Variants in PDZD2 observed in about 807,000 individuals in gnomAD.
PDZD2 encodes PDZ domain-containing protein 2.
Under a neutral mutation model 220.7 loss-of-function variants are expected in PDZD2, and 90 were observed. That is an observed-to-expected ratio of 0.41 (90% confidence interval 0.34 to 0.49). The LOEUF (loss-of-function observed/expected upper bound fraction) is 0.49, where lower values mean the gene tolerates loss of function less well. Ranked by LOEUF, PDZD2 falls within the 20% of genes least tolerant of loss-of-function variation. The pLI, the probability that PDZD2 is intolerant of heterozygous loss-of-function variation, is 0.28. For missense variants in PDZD2, 3,174 were observed against 3,608.5 expected (o/e 0.88, Z 3.08); for synonymous variants, 1,375 against 1,450.5 (o/e 0.95, Z 1.18).
chr5:31,779,338 A>G (rs1580739657), intron 1 of PDZD2, among the ~76,000 whole-genome samples: 1 of 124,852 alleles, frequency 8.0e-6, no homozygotes, highest in Non-Finnish European at 1.7e-5. Flanking sequence ...CTTTAACGTT[A>G]TTTATGTAGC....
chr5:31,771,514 G>A (rs1262266912), intron 1 of PDZD2, among the ~76,000 whole-genome samples: 3 of 149,006 alleles, frequency 2.0e-5, no homozygotes, highest in African/African-American at 2.5e-5. Context: ...GGAGACAGAG[G>A]GTATGGAGTT....
chr5:32,005,245 A>G (rs1752707619), intron 5 of PDZD2, among the ~76,000 whole-genome samples: 2 of 152,226 alleles, frequency 1.3e-5, no homozygotes, highest in Non-Finnish European at 2.9e-5. Context: ...TATGGATAAT[A>G]GTCACCTTGT....
chr5:31,666,225 C>G (rs1007912150), intron 1 of PDZD2, among the ~76,000 whole-genome samples: 1 of 152,134 alleles, frequency 6.6e-6, no homozygotes. Context: ...GGTTATCCAG[C>G]CAGCCTCAGT....
chr5:32,092,304 GGCTCAGGCCTATAGTCCCA>G (rs1293349918), intron 20 of PDZD2, among the ~76,000 whole-genome samples: 1 of 146,046 alleles, frequency 6.8e-6, no homozygotes, highest in African/African-American at 2.5e-5. Flanking sequence ...CAGGCCCAGT[GGCTCAGGCCTATAGTCCCA>G]GCACTTTGGG....
intron 2 of PDZD2, among the ~76,000 whole-genome samples, chr5:31,803,509 G>A (rs779212372): frequency 1.3e-5 from 2 of 151,878 alleles, no homozygotes; most frequent in African/African-American, 2.4e-5. Flanking sequence ...AGTAGGCTCC[G>A]GACTATATGG....
At chr5:32,034,763 AAGGGG>A (rs1171903982) in intron 6 of PDZD2, among the ~76,000 whole-genome samples, 1 of 152,134 alleles carries the variant, frequency 6.6e-6, no homozygotes, top group Non-Finnish European at 1.5e-5. Context: ...AAGTCAAGCA[AAGGGG>A]AGGCTCTAAG....
intron 2 of PDZD2, among the ~76,000 whole-genome samples, chr5:31,865,274 C>A (rs957226964): frequency 2.6e-5 from 4 of 152,036 alleles, no homozygotes; most frequent in Admixed American, 6.6e-5. Flanking sequence ...GAGGTTACAA[C>A]AATTGGCAAC....
At chr5:32,035,810 C>G (rs1301887467) in intron 6 of PDZD2, among the ~76,000 whole-genome samples, 1 of 152,120 alleles carries the variant, frequency 6.6e-6, no homozygotes, top group Non-Finnish European at 1.5e-5. Context: ...TTCTCCCAAC[C>G]CCAATTGGGA....
chr5:32,057,248 T>C (rs1450441114), intron 10 of PDZD2, among the ~76,000 whole-genome samples: 1 of 152,212 alleles, frequency 6.6e-6, no homozygotes, highest in Non-Finnish European at 1.5e-5. Context: ...TCTACAAATA[T>C]AGGAGTGACT....
intron 1 of PDZD2, among the ~76,000 whole-genome samples, chr5:31,691,986 G>T (rs546120197): frequency 1.3e-5 from 2 of 152,374 alleles, no homozygotes; most frequent in South Asian, 2.1e-4. Context: ...AGGTGGAGCT[G>T]CCTGCCAGTC....
At chr5:32,071,237 C>T (rs1740709579) in intron 15 of PDZD2, 147 bp from the exon 16 acceptor site, 5 of 725,302 alleles carry the variant, frequency 6.9e-6, no homozygotes, top group African/African-American at 3.5e-5. Context: ...ACTGCATGCA[C>T]GTCTAACCCT....
Position 32,098,624 on chromosome 5 carries a change from G to A in PDZD2, c.8208G>A (p.Glu2736=), listed in dbSNP as rs1316859519. 2 of 1,613,160 alleles carry A rather than the reference G, an allele frequency of 1.2e-6. No homozygotes were observed. Among genetic ancestry groups the A allele is most frequent in the Admixed American group, 3.3e-5 (2 of 59,948 alleles). Residue 2736 remains glutamate, a synonymous_variant, in exon 23 of 25, where the codon GAG becomes GAA. Coordinates refer to ENST00000438447, the MANE Select transcript of PDZD2 (RefSeq NM_178140.4). This position sits in a 1 kb window ranked among gnomAD's most constrained non-coding sequence, Gnocchi z 4.1. Reference sequence around the variant, plus strand: ...TGTCCAGAAAGACCATCCCCCTGGAGCCTGGCATTGGTAAGATGATCATTT... The same window carrying A: ...TGTCCAGAAAGACCATCCCCCTGGAACCTGGCATTGGTAAGATGATCATTT... ...GLLSRKTIPL[E]PGIGRSVAVH...
At chr5:31,680,938 A>G in intron 1 of PDZD2, among the ~76,000 whole-genome samples, 1 of 152,046 alleles carries the variant, frequency 6.6e-6, no homozygotes. Flanking sequence ...CCCCTCGGAC[A>G]ATTGCTGACT....
chr5:32,006,907 C>CTT (rs1173189592), intron 5 of PDZD2, among the ~76,000 whole-genome samples: 4,045 of 47,864 alleles, frequency 0.085, 1,337 homozygotes, highest in Non-Finnish European at 0.11. Context: ...CCATGCTGGT[C>CTT]TTTTTTTTTT....
chr5:31,996,031 CTT>C (rs1465217246), intron 4 of PDZD2, among the ~76,000 whole-genome samples: 1 of 152,148 alleles, frequency 6.6e-6, no homozygotes, highest in Non-Finnish European at 1.5e-5. Context: ...TATGAGGCTA[CTT>C]ATTGAGAATA....
In PDZD2 at chr5:31,933,237, C is replaced by T. The variant is rs1201739427; in HGVS notation, c.477-49918C>T. On this transcript the variant is annotated intron_variant, in intron 2 of 24. Coordinates refer to ENST00000438447, the MANE Select transcript of PDZD2 (RefSeq NM_178140.4). ...AGCATAGTTTCTTTTCAAAACTCAT[C>T]CAAGTAGTAGCATGTGTCAGAATTT... Among the ~76,000 whole-genome samples, 6 of 152,070 alleles carry T rather than the reference C, an allele frequency of 3.9e-5. No individual in the cohort carries two copies. The South Asian group carries it at 1.0e-3, about 26-fold the overall frequency.
chr5:31,693,241 T>TTA (rs1491402186), intron 1 of PDZD2, among the ~76,000 whole-genome samples: 3 of 11,530 alleles, frequency 2.6e-4, no homozygotes, highest in Middle Eastern at 0.038. Flanking sequence ...GGGAAAGCAC[T>TTA]TTTTTTTTTT....
At chr5:31,805,423 A>C (rs1754657792) in intron 2 of PDZD2, among the ~76,000 whole-genome samples, 1 of 152,168 alleles carries the variant, frequency 6.6e-6, no homozygotes, top group Non-Finnish European at 1.5e-5. Context: ...AAAAAGTGGT[A>C]AGTAGAAATT....
intron 2 of PDZD2, among the ~76,000 whole-genome samples, chr5:31,967,598 A>C (rs1425763929): frequency 6.6e-6 from 1 of 152,166 alleles, no homozygotes; most frequent in African/African-American, 2.4e-5. Context: ...ATAATCTCTG[A>C]GATACGGTCT....
Sources: gnomAD v4.1 joint callset for allele counts (sites outside exome capture counted in the v4.1 genomes callset) on GRCh38, gnomAD v4.1.1 for gene constraint, Gnocchi (gnomAD v3.1) non-coding constraint, MANE v1.5 for transcripts, NCBI Gene and HGNC (gene_info 2026-07-23, HGNC 2026-07-21) for gene names.